Variants in ELP4 observed in about 807,000 individuals in gnomAD.
The protein encoded by ELP4 is elongator acetyltransferase complex subunit 4.
ELP4 carries 51 observed loss-of-function variants against 48.9 expected under a neutral mutation model. The ratio of observed to expected loss-of-function variants is 1.04; its 90% CI spans 0.83 to 1.32. ELP4 has a LOEUF of 1.32. Ranked by LOEUF, ELP4 falls within the 40% of genes most tolerant of loss-of-function variation. The probability of loss-of-function intolerance (pLI) is 0.00; values close to 1 mark genes in which losing one functional copy is unlikely to be tolerated. For synonymous variants in ELP4, 210 were observed against 189.2 expected, an observed-to-expected ratio of 1.11 and a Z score of -0.90; for missense variants, 519 against 514.6, an observed-to-expected ratio of 1.01 and a Z score of -0.08.
chr11:31,518,914 A>AT (rs2133876635), intron 1 of ELP4, among the ~76,000 whole-genome samples: 1 of 151,568 alleles, frequency 6.6e-6, no homozygotes, highest in South Asian at 2.1e-4. Context: ...AAAAAAAAAA[A>AT]AATTCCCGTT....
intron 6 of ELP4, among the ~76,000 whole-genome samples, chr11:31,629,538 T>C (rs7952596): frequency 0.027 from 4,041 of 152,144 alleles, 170 homozygotes; most frequent in African/African-American, 0.092. Context: ...TCACTTGATA[T>C]ACATATATCA....
chr11:31,515,778 T>C (rs1956100378), intron 1 of ELP4, among the ~76,000 whole-genome samples: 2 of 152,210 alleles, frequency 1.3e-5, no homozygotes, highest in South Asian at 4.1e-4. Context: ...AAAACTGTTA[T>C]GTGATCTGTT....
At position 31,594,835 on chromosome 11, in the gene ELP4, TA is replaced by T; in HGVS notation, c.451del (p.Thr151HisfsTer8). On this transcript the variant is annotated frameshift_variant, in exon 4 of 10. Coordinates refer to ENST00000640961, the MANE Select transcript of ELP4 (RefSeq NM_019040.5). LOFTEE classifies it high-confidence loss of function. ...KEFDEDVYNH[K>X]TPESNIKMKI... ...AATTTGATGAAGATGTATACAATCA[TA>T]AAACACCAGAATCTAATATTAAGAT... is the stretch of plus-strand genomic sequence containing the variant. 1 of 1,567,560 alleles carries T rather than the reference TA, an allele frequency of 6.4e-7. No homozygotes were observed.
intron 9 of ELP4, among the ~76,000 whole-genome samples, chr11:31,673,980 C>G (rs994013780): frequency 2.0e-5 from 3 of 152,176 alleles, no homozygotes; most frequent in Non-Finnish European, 4.4e-5. Flanking sequence ...TGTTAGAGAA[C>G]TGCTTGCTTG....
At chr11:31,550,605 A>C (rs894904794) in intron 3 of ELP4, among the ~76,000 whole-genome samples, 5 of 152,128 alleles carry the variant, frequency 3.3e-5, no homozygotes, top group African/African-American at 9.7e-5. Flanking sequence ...TAAGATTGGG[A>C]GACAAAAAAG....
At chr11:31,647,874 A>G in intron 8 of ELP4, 25 bp downstream of exon 8, 14 of 1,387,938 alleles carry the variant, frequency 1.0e-5, no homozygotes, top group Non-Finnish European at 1.4e-5. Context: ...CATAATGAGA[A>G]GAGCAGGAGC....
At chr11:31,758,553 C>T (rs1440485082) in intron 9 of ELP4, among the ~76,000 whole-genome samples, 2 of 152,128 alleles carry the variant, frequency 1.3e-5, no homozygotes, top group African/African-American at 4.8e-5. Flanking sequence ...TTTGCCCAAC[C>T]CAAGTTTTGT....
Position 31,516,670 on chromosome 11 carries a change from T to G in ELP4, c.224-3386T>G, listed in dbSNP as rs540761343. Among the ~76,000 whole-genome samples the G allele has an allele frequency of 2.0e-5, 3 of 152,276 alleles. No homozygotes were observed. The South Asian group carries it at 6.2e-4, about 32-fold the overall frequency. ...GCACGCCTTGCTAATTTTTGTATTT[T>G]TTGTAGAGATGGAGTTTTGCCATTT... On this transcript the variant is annotated intron_variant, in intron 1 of 9. Coordinates refer to ENST00000640961, the MANE Select transcript of ELP4 (RefSeq NM_019040.5).
At chr11:31,684,978 G>A (rs1228188275) in intron 9 of ELP4, among the ~76,000 whole-genome samples, 5 of 152,126 alleles carry the variant, frequency 3.3e-5, no homozygotes, top group African/African-American at 7.2e-5. Flanking sequence ...ATGTACCCAC[G>A]TAAGCATAAA....
At chr11:31,649,017 A>G (rs1468125249) in intron 8 of ELP4, 1 of 151,706 alleles carries the variant, frequency 6.6e-6, no homozygotes, top group Non-Finnish European at 1.5e-5. Flanking sequence ...ACTAAATAGT[A>G]TGTATGAGAT....
intron 3 of ELP4, among the ~76,000 whole-genome samples, chr11:31,559,893 CA>C (rs1956987685): frequency 8.7e-6 from 1 of 114,312 alleles, no homozygotes; most frequent in South Asian, 2.7e-4. Context: ...GCAACAAGAG[CA>C]AAACTCCGTC....
chr11:31,632,262 T>C lies in ELP4; in HGVS notation c.784T>C (p.Ser262Pro). 5.6e-6 allele frequency: 9 copies of C among 1,608,770 alleles called. No individual in the cohort carries two copies. Among genetic ancestry groups the C allele is most frequent in the Non-Finnish European group, 7.6e-6 (9 of 1,178,416 alleles). Residue 262 changes from serine (S) to proline (P), a missense_variant, in exon 7 of 10, where the codon TCA becomes CCA. Physicochemically the swap from Ser to Pro is moderately conservative, Grantham distance 74. Coordinates refer to ENST00000640961, the MANE Select transcript of ELP4 (RefSeq NM_019040.5). ...ILRIGIQNLGSPLWGDDICCA... is the reference protein window; with the variant it reads ...ILRIGIQNLGPPLWGDDICCA... ...AAGAATAGGAATTCAGAATCTTGGCTCACCTTTATGGGGAGACGATATTTG... is the reference window on the plus strand; with the variant it reads ...AAGAATAGGAATTCAGAATCTTGGCCCACCTTTATGGGGAGACGATATTTG...
chr11:31,571,718 C>T (rs1306539746), intron 3 of ELP4, among the ~76,000 whole-genome samples: 2 of 152,180 alleles, frequency 1.3e-5, no homozygotes, highest in East Asian at 1.9e-4. Context: ...TGTTAGCAGG[C>T]ATGAAAACAG....
chr11:31,552,242 T>C (rs1335295229), intron 3 of ELP4, among the ~76,000 whole-genome samples: 1 of 152,192 alleles, frequency 6.6e-6, no homozygotes, highest in Non-Finnish European at 1.5e-5. Flanking sequence ...AGACGTGTCT[T>C]TGGACTCAGA....
intron 7 of ELP4, among the ~76,000 whole-genome samples, chr11:31,636,620 A>C (rs1203893425): frequency 6.6e-6 from 1 of 151,992 alleles, no homozygotes; most frequent in African/African-American, 2.4e-5. Context: ...ATAATGACAT[A>C]GATTCAAAAC....
chr11:31,674,025 T>G (rs1019449690), intron 9 of ELP4, among the ~76,000 whole-genome samples: 1 of 152,232 alleles, frequency 6.6e-6, no homozygotes, highest in Non-Finnish European at 1.5e-5. Context: ...ATTGCCTTGG[T>G]CCACAGGAAA....
intron 1 of ELP4, among the ~76,000 whole-genome samples, chr11:31,517,144 G>A (rs1014420027): frequency 6.6e-6 from 1 of 151,618 alleles, no homozygotes; most frequent in African/African-American, 2.4e-5. Context: ...ACACATAATA[G>A]TTATGCTTTT....
At chr11:31,665,897 C>T (rs576691258) in intron 9 of ELP4, among the ~76,000 whole-genome samples, 50 of 151,818 alleles carry the variant, frequency 3.3e-4, no homozygotes, top group African/African-American at 1.1e-3. Context: ...TCAAGCAGAG[C>T]ACCTGCCTAG....
intron 9 of ELP4, among the ~76,000 whole-genome samples, chr11:31,725,116 A>G (rs764763854): frequency 1.3e-5 from 2 of 152,172 alleles, no homozygotes; most frequent in African/African-American, 2.4e-5. Flanking sequence ...GCTGTTCATT[A>G]TGACTGCTTC....
Sources: gnomAD v4.1 joint callset for allele counts (sites outside exome capture counted in the v4.1 genomes callset) on GRCh38, gnomAD v4.1.1 for gene constraint, MANE v1.5 for transcripts, NCBI Gene and HGNC (gene_info 2026-07-23, HGNC 2026-07-21) for gene names.